Variants in TPM3 observed in about 807,000 individuals in gnomAD.
The protein encoded by TPM3 is tropomyosin alpha-3 chain.
TPM3 carries 16 observed loss-of-function variants against 43.1 expected under a neutral mutation model. The ratio of observed to expected loss-of-function variants is 0.37; its 90% CI spans 0.25 to 0.56. The LOEUF (loss-of-function observed/expected upper bound fraction) is 0.56, where lower values mean the gene tolerates loss of function less well. TPM3 is among the 20% of genes least tolerant of loss of function. The pLI, the probability that TPM3 is intolerant of heterozygous loss-of-function variation, is 0.77. For synonymous variants in TPM3, 101 were observed against 116.9 expected (o/e 0.86, Z 0.88); for missense variants, 176 against 337.2 (o/e 0.52, Z 3.74).
chr1:154,158,838 G>A (rs1660068366), downstream of TPM3: 15 of 695,414 alleles, frequency 2.2e-5, no homozygotes, highest in South Asian at 2.2e-4. Flanking sequence ...CATTCTAACT[G>A]CCCCAATTAA....
rs1370162556 is a variant in TPM3 at position 154,183,852 on chromosome 1, C to CCTTTT, written c.243+7333_243+7334insAAAAG. On this transcript the variant is annotated intron_variant, in intron 2 of 9. Transcript: ENST00000651641. ...GTTCTATTTAGAACAGACTTTTCTC[C>CCTTTT]TTTTTTTTTTTTTTTTTTTTTTTTT... is the stretch of plus-strand genomic sequence containing the variant. 6 of 99,312 alleles carry CCTTTT rather than the reference C, an allele frequency of 6.0e-5. 1 individual carries two copies. Among genetic ancestry groups the CCTTTT allele is most frequent in the Non-Finnish European group, 5.7e-5 (3 of 52,724 alleles). The allele number at this position is 99,312 out of a possible 1,614,324, so 6.2% of individuals were successfully genotyped here.
At chr1:154,172,044 A>G (rs200651639) in intron 5 of TPM3, 6 of 1,614,012 alleles carry the variant, frequency 3.7e-6, no homozygotes, top group South Asian at 2.2e-5. Context: ...CTTCAGCAGC[A>G]CTCAGACACT....
In TPM3 at chr1:154,171,492, T is replaced by G. The variant is rs199517163; in HGVS notation, c.567-4A>C. The G allele has an allele frequency of 2.5e-5, 41 of 1,613,682 alleles. No individual in the cohort carries two copies. The highest frequency in any genetic ancestry group is 3.3e-5 in the Non-Finnish European group (39 of 1,179,952). On this transcript the variant is annotated splice_polypyrimidine_tract_variant and splice_region_variant and intron_variant, in intron 5 of 9. Coordinates refer to ENST00000651641, the MANE Select transcript of TPM3 (RefSeq NM_152263.4). ...CTCCTCCAGCTCAGAACACTTACTG[T>G]GAATATTTTAAATACCACAGGAGAG...
Position 154,182,941 on chromosome 1 carries a change from A to G in TPM3, c.244-6693T>C, listed in dbSNP as rs746432717. 1.9e-6 allele frequency: 3 copies of G among 1,608,288 alleles called. No individual in the cohort carries two copies. The South Asian group carries it at 3.3e-5, about 18-fold the overall frequency. ...AAAGGGACCTTATTCCGCTTGCCGG[A>G]TACTCCAGCGCCTGCCCCTCCCTCA... On this transcript the variant is annotated intron_variant, in intron 2 of 9. Coordinates refer to ENST00000651641, the MANE Select transcript of TPM3 (RefSeq NM_152263.4).
chr1:154,170,554 C>T, intron 7 of TPM3, 85 bp from the exon 8 acceptor site: 1 of 1,595,474 alleles, frequency 6.3e-7, no homozygotes, highest in South Asian at 1.1e-5. Flanking sequence ...ACTTCTGGAC[C>T]TTTCAGAACC....
intron 2 of TPM3, chr1:154,178,077 G>T: frequency 1.1e-6 from 1 of 941,012 alleles, no homozygotes; most frequent in Non-Finnish European, 1.3e-6. Context: ...AGGCTATCAG[G>T]CAAGACCTAG....
chr1:154,176,588 T>G (rs1261352686), intron 2 of TPM3, among the ~76,000 whole-genome samples: 1 of 146,906 alleles, frequency 6.8e-6, no homozygotes. Context: ...GGGTTCCTTC[T>G]GCCTGAGCTC....
At chr1:154,177,981 T>G (rs1425105849) in intron 2 of TPM3, 1 of 213,612 alleles carries the variant, frequency 4.7e-6, no homozygotes, top group Admixed American at 6.5e-5. Flanking sequence ...TCTCTGCTTC[T>G]GCCTCTTCCA....
chr1:154,180,542 T>C (rs1662827851), intron 2 of TPM3, among the ~76,000 whole-genome samples: 1 of 152,140 alleles, frequency 6.6e-6, no homozygotes. Flanking sequence ...ACTTCCCCAT[T>C]CTGAGGACTT....
chr1:154,159,879 C>A (rs1660169578), downstream of TPM3, among the ~76,000 whole-genome samples: 1 of 151,896 alleles, frequency 6.6e-6, no homozygotes, highest in Non-Finnish European at 1.5e-5. Context: ...AGAGAAAAGA[C>A]CAAGAGAATC....
At chr1:154,169,266 A>G (rs1661318275) in intron 9 of TPM3, 39 bp downstream of exon 9, 9 of 1,608,544 alleles carry the variant, frequency 5.6e-6, no homozygotes, top group Non-Finnish European at 7.7e-6. Context: ...TCCACCCACA[A>G]GCCAAGATCC....
At chr1:154,174,343 A>T (rs1192508247) in intron 3 of TPM3, among the ~76,000 whole-genome samples, 1 of 135,148 alleles carries the variant, frequency 7.4e-6, no homozygotes, top group Non-Finnish European at 1.6e-5. Flanking sequence ...TCAAAAAAAT[A>T]AATAAATATT....
intron 1 of TPM3, 109 bp from the exon 2 acceptor site, chr1:154,191,420 T>C: frequency 6.4e-7 from 1 of 1,562,386 alleles, no homozygotes; most frequent in Non-Finnish European, 8.7e-7. Flanking sequence ...CCATCCCTAG[T>C]GAGACACACT....
At chr1:154,180,990 T>C (rs141890879) in intron 2 of TPM3, among the ~76,000 whole-genome samples, 13 of 152,088 alleles carry the variant, frequency 8.5e-5, no homozygotes, top group African/African-American at 3.1e-4. Flanking sequence ...AGAATGTCCA[T>C]ATTTAAATAC....
At chr1:154,174,248 T>C (rs557052873) in intron 3 of TPM3, among the ~76,000 whole-genome samples, 82 of 150,340 alleles carry the variant, frequency 5.5e-4, no homozygotes, top group Non-Finnish European at 1.1e-3. Flanking sequence ...AGCATGAGAA[T>C]GGCTTGAACC....
chr1:154,188,053 G>T (rs1228849228), intron 2 of TPM3, among the ~76,000 whole-genome samples: 2 of 151,332 alleles, frequency 1.3e-5, no homozygotes, highest in Non-Finnish European at 2.9e-5. Context: ...TGAGAAGGGA[G>T]AATTTTTATC....
At chr1:154,170,754 C>G in intron 6 of TPM3, 43 bp from the exon 7 acceptor site, 1 of 1,343,044 alleles carries the variant, frequency 7.4e-7, no homozygotes, top group Non-Finnish European at 1.1e-6. Flanking sequence ...AGAAATTAGT[C>G]ACACAGGCAA....
At chr1:154,183,303 A>G in intron 2 of TPM3, 2 of 1,489,042 alleles carry the variant, frequency 1.3e-6, no homozygotes, top group South Asian at 1.3e-5. Context: ...AGTCCACTGG[A>G]GGGAGAGCCG....
chr1:154,182,509 A>T (rs1373629102), intron 2 of TPM3, among the ~76,000 whole-genome samples: 1 of 152,040 alleles, frequency 6.6e-6, no homozygotes, highest in African/African-American at 2.4e-5. Flanking sequence ...GGTCTTTCCG[A>T]CGGTTCCCAC....
Sources: allele counts gnomAD v4.1 joint callset (sites outside exome capture counted in the v4.1 genomes callset), GRCh38; gene constraint gnomAD v4.1.1; transcripts MANE v1.5; gene names NCBI Gene and HGNC (gene_info 2026-07-23, HGNC 2026-07-21).